The following DPH6 variants were observed in gnomAD, a reference collection of about 807,000 sequenced individuals.
DPH6 encodes the protein diphthine--ammonia ligase.
Under a neutral mutation model 38.2 loss-of-function variants are expected in DPH6, and 33 were observed. The ratio of observed to expected loss-of-function variants is 0.86; its 90% CI spans 0.65 to 1.15. The LOEUF (loss-of-function observed/expected upper bound fraction) is 1.15. Among genes scored for constraint, DPH6 ranks in the 50% most tolerant of loss-of-function variants. DPH6 has a pLI of 0.00. For synonymous variants in DPH6, 108 were observed against 103.0 expected, an observed-to-expected ratio of 1.05 and a Z score of -0.30; for missense variants, 325 against 320.0, an observed-to-expected ratio of 1.02 and a Z score of -0.12.
chr15:35,146,111 GTA>G, the DPH6 span, among the ~76,000 whole-genome samples: 4 of 129,832 alleles, frequency 3.1e-5, no homozygotes, highest in African/African-American at 8.7e-5. Context: ...GTGTGTGTGT[GTA>G]TACATACATG....
At chr15:35,473,957 T>TCAC (rs2054232501) in intron 3 of DPH6, among the ~76,000 whole-genome samples, 1 of 38,424 alleles carries the variant, frequency 2.6e-5, no homozygotes, top group African/African-American at 3.5e-5. Context: ...TGTGTGTGTG[T>TCAC]GCGCGCGCGC....
At position 35,401,333 on chromosome 15, in the gene DPH6, T is replaced by TTGGTGGCAGCTG. The variant is rs1353841032; in HGVS notation, c.567+9490_567+9501dup. The TTGGTGGCAGCTG allele has an allele frequency of 5.2e-6, 4 of 773,354 alleles. No individual in the cohort carries two copies. The African/African-American group carries it at 6.8e-5, about 13-fold the overall frequency. 47.9% of individuals were successfully genotyped at this position (773,354 alleles called of 1,614,324 possible). ...GGAAACTTCAGTGATCATGGTGGCT[T>TTGGTGGCAGCTG]TGGTGGCAGCTGTGGTGCTGATGGG... On this transcript the variant is annotated intron_variant, in intron 6 of 8. Coordinates refer to ENST00000256538, the MANE Select transcript of DPH6 (RefSeq NM_080650.4).
At chr15:35,396,802 A>T (rs1158765534) in intron 6 of DPH6, among the ~76,000 whole-genome samples, 1 of 152,200 alleles carries the variant, frequency 6.6e-6, no homozygotes, top group African/African-American at 2.4e-5. Context: ...AACCCTTTTG[A>T]CTTCCAAGGT....
At chr15:35,538,212 G>A in intron 3 of DPH6, 62 bp downstream of exon 3, 1 of 1,300,978 alleles carries the variant, frequency 7.7e-7, no homozygotes, top group Non-Finnish European at 1.0e-6. Context: ...AAATAATTCG[G>A]CAAATGTAAT....
intron 3 of DPH6, among the ~76,000 whole-genome samples, chr15:35,356,542 G>T (rs2052561898): frequency 6.6e-6 from 1 of 152,140 alleles, no homozygotes; most frequent in African/African-American, 2.4e-5. Flanking sequence ...GTTTGCTGGA[G>T]GTCCACTCCA....
chr15:35,514,322 A>G (rs2054816390), intron 3 of DPH6, among the ~76,000 whole-genome samples: 1 of 152,162 alleles, frequency 6.6e-6, no homozygotes, highest in Non-Finnish European at 1.5e-5. Flanking sequence ...AGCTAAAGAC[A>G]AAATTTCTAC....
downstream of DPH6, among the ~76,000 whole-genome samples, chr15:35,328,891 G>A (rs1008963856): frequency 2.0e-5 from 3 of 152,268 alleles, no homozygotes; most frequent in South Asian, 2.1e-4. Flanking sequence ...GCAAGGAGGA[G>A]CAACTCCCAT....
intron 3 of DPH6, among the ~76,000 whole-genome samples, chr15:35,525,363 C>T (rs574064350): frequency 1.3e-5 from 2 of 152,082 alleles, no homozygotes; most frequent in African/African-American, 2.4e-5. Flanking sequence ...GCTTTATACT[C>T]CCTTCTCTTT....
At chr15:35,499,751 C>T (rs1051527512) in intron 3 of DPH6, among the ~76,000 whole-genome samples, 2 of 152,208 alleles carry the variant, frequency 1.3e-5, no homozygotes, top group African/African-American at 4.8e-5. Context: ...ATCTATCAGA[C>T]ACTTACTTTA....
intron 8 of DPH6, among the ~76,000 whole-genome samples, chr15:35,373,313 A>G (rs112573412): frequency 5.3e-5 from 8 of 152,022 alleles, no homozygotes; most frequent in African/African-American, 1.9e-4. Context: ...CTTTTCATAA[A>G]TGTAGTATCT....
intron 3 of DPH6, among the ~76,000 whole-genome samples, chr15:35,255,516 T>C (rs187873167): frequency 2.6e-5 from 4 of 152,338 alleles, no homozygotes; most frequent in East Asian, 1.9e-4. Flanking sequence ...GGTTTTTTTT[T>C]CTTCAAAAAG....
chr15:35,437,168 A>G (rs2053727439), intron 5 of DPH6, among the ~76,000 whole-genome samples: 2 of 152,026 alleles, frequency 1.3e-5, no homozygotes, highest in Admixed American at 1.3e-4. Flanking sequence ...TCTCCCTCAC[A>G]TATCCACGGT....
At position 35,390,426 on chromosome 15, in the gene DPH6, C is replaced by T. The variant is rs1205488001; in HGVS notation, c.568-8510G>A. On this transcript the variant is annotated intron_variant, in intron 6 of 8. Coordinates refer to ENST00000256538, the MANE Select transcript of DPH6 (RefSeq NM_080650.4). The stretch of plus-strand genomic sequence containing the variant: ...TGGGGAAGTTCTCCTGGATAATATC[C>T]TGCAGAGTGTTTTCCAATTTGGTTC... Among the ~76,000 whole-genome samples, 3 of 152,174 alleles carry T rather than the reference C, an allele frequency of 2.0e-5. No individual in the cohort carries two copies. The East Asian group carries it at 5.8e-4, about 29-fold the overall frequency.
chr15:35,220,815 A>C (rs888009387), intron 3 of DPH6, among the ~76,000 whole-genome samples: 3 of 152,122 alleles, frequency 2.0e-5, no homozygotes, highest in Non-Finnish European at 2.9e-5. Flanking sequence ...CAGTATTGAA[A>C]AAAAAATTTT....
intron 4 of DPH6, 55 bp downstream of exon 4, chr15:35,454,692 T>C: frequency 7.1e-7 from 1 of 1,411,438 alleles, no homozygotes. Flanking sequence ...TTTTCACTTA[T>C]TCACATTCTT....
At chr15:35,450,006 G>A (rs1260147258) in intron 5 of DPH6, among the ~76,000 whole-genome samples, 5 of 152,028 alleles carry the variant, frequency 3.3e-5, no homozygotes, top group African/African-American at 1.2e-4. Flanking sequence ...ACAGGTTCAC[G>A]AAATGAACAG....
At chr15:35,226,676 T>A (rs1247035745) in intron 3 of DPH6, among the ~76,000 whole-genome samples, 2 of 152,086 alleles carry the variant, frequency 1.3e-5, no homozygotes, top group African/African-American at 4.8e-5. Flanking sequence ...TGAAAAAACT[T>A]GAAAAGGTCA....
Position 35,373,584 on chromosome 15 carries a change from A to G in DPH6, c.687T>C (p.His229=), listed in dbSNP as rs765298179. The G allele has an allele frequency of 3.7e-6, 6 of 1,608,862 alleles. No individual in the cohort carries two copies. The highest frequency in any genetic ancestry group is 1.1e-5 in the South Asian group (1 of 90,284). ...IIVDSSEVVI[H]SADAFAPVAY... Reference sequence around the variant, plus strand: ...CCACAGGTGCAAATGCATCAGCTGAATGTATGACTACTTCTGATGAATCCC... The same window carrying G: ...CCACAGGTGCAAATGCATCAGCTGAGTGTATGACTACTTCTGATGAATCCC... The change falls in exon 8 of 9, where the codon CAT becomes CAC. Residue 229 remains histidine (H), a synonymous_variant. Transcript: ENST00000256538.
At chr15:35,459,680 G>A (rs984211615) in intron 3 of DPH6, among the ~76,000 whole-genome samples, 22 of 152,056 alleles carry the variant, frequency 1.4e-4, no homozygotes, top group African/African-American at 4.6e-4. Context: ...GGAAGACACC[G>A]GGGGTACACC....
Sources: gnomAD v4.1 joint callset for allele counts (sites outside exome capture counted in the v4.1 genomes callset) on GRCh38, gnomAD v4.1.1 for gene constraint, MANE v1.5 for transcripts, NCBI Gene and HGNC (gene_info 2026-07-23, HGNC 2026-07-21) for gene names.